Variants in NTN4 observed in about 807,000 individuals in gnomAD.
NTN4 encodes the protein netrin 4.
In NTN4, 32 loss-of-function variants were observed where a neutral mutation model predicts 73.6. The observed-to-expected ratio is 0.44, with a 90% CI of 0.33 to 0.58. The LOEUF (loss-of-function observed/expected upper bound fraction) is 0.58, where lower values mean the gene tolerates loss of function less well. Among genes scored for constraint, NTN4 ranks in the 20% least tolerant of loss-of-function variants. The pLI, the probability that NTN4 is intolerant of heterozygous loss-of-function variation, is 0.04. For synonymous variants in NTN4, 258 were observed against 287.5 expected (o/e 0.90, Z 1.04); for missense variants, 654 against 798.3 (o/e 0.82, Z 2.18).
intron 2 of NTN4, among the ~76,000 whole-genome samples, chr12:95,783,862 T>C (rs568499458): frequency 6.6e-5 from 10 of 152,348 alleles, no homozygotes; most frequent in Non-Finnish European, 1.5e-4. Context: ...TTTGGGCCCA[T>C]GTTTTTGAAG....
At chr12:95,696,753 C>G (rs541229321) in intron 5 of NTN4, among the ~76,000 whole-genome samples, 7 of 152,242 alleles carry the variant, frequency 4.6e-5, no homozygotes, top group Middle Eastern at 3.4e-3. Flanking sequence ...GAAAACCACC[C>G]CAACAAATCT....
intron 4 of NTN4, among the ~76,000 whole-genome samples, chr12:95,711,754 C>T (rs969434740): frequency 3.3e-5 from 5 of 152,172 alleles, no homozygotes; most frequent in African/African-American, 9.6e-5. Flanking sequence ...GTGTTCTATA[C>T]GTATTTAGAT....
chr12:95,746,645 G>A (rs1442777166), intron 2 of NTN4, among the ~76,000 whole-genome samples: 4 of 152,138 alleles, frequency 2.6e-5, no homozygotes, highest in Non-Finnish European at 5.9e-5. Flanking sequence ...GCAAATCTCT[G>A]AAAGTCTCTT....
chr12:95,676,780 T>A (rs1458812852), intron 7 of NTN4, among the ~76,000 whole-genome samples: 3 of 151,872 alleles, frequency 2.0e-5, no homozygotes, highest in Non-Finnish European at 4.4e-5. Flanking sequence ...AACCAAAAGT[T>A]AATCTCTGAG....
intron 5 of NTN4, among the ~76,000 whole-genome samples, chr12:95,688,338 C>G (rs1330484121): frequency 6.6e-6 from 1 of 151,938 alleles, no homozygotes; most frequent in Non-Finnish European, 1.5e-5. Context: ...TGTTGAGGGA[C>G]AAATAGAAGT....
At chr12:95,659,948 C>T (rs951135653) in intron 9 of NTN4, among the ~76,000 whole-genome samples, 4 of 152,070 alleles carry the variant, frequency 2.6e-5, no homozygotes, top group Non-Finnish European at 4.4e-5. Context: ...TGCCCTAGAT[C>T]AGTACATCTT....
chr12:95,670,706 AGT>A (rs1157237317), intron 7 of NTN4, among the ~76,000 whole-genome samples: 1 of 152,230 alleles, frequency 6.6e-6, no homozygotes, highest in Non-Finnish European at 1.5e-5. Flanking sequence ...GAAGAAACCA[AGT>A]GTACAAAAAG....
chr12:95,728,556 C>T (rs912254989), intron 3 of NTN4, among the ~76,000 whole-genome samples: 12 of 152,148 alleles, frequency 7.9e-5, no homozygotes, highest in African/African-American at 2.9e-4. Flanking sequence ...GACAAATAGG[C>T]TACAGGATTT....
At chr12:95,773,750 T>A (rs575785947) in intron 2 of NTN4, among the ~76,000 whole-genome samples, 22 of 152,258 alleles carry the variant, frequency 1.4e-4, no homozygotes, top group Admixed American at 6.5e-4. Flanking sequence ...CCTTTGCACT[T>A]ATCACTATGT....
At chr12:95,669,159 G>A (rs892428483) in intron 8 of NTN4, among the ~76,000 whole-genome samples, 2 of 149,778 alleles carry the variant, frequency 1.3e-5, no homozygotes, top group African/African-American at 4.9e-5. Flanking sequence ...AGTGAGTCTA[G>A]ATTGTGCCAC....
chr12:95,678,715 A>C (rs1207049798), intron 7 of NTN4, among the ~76,000 whole-genome samples: 1 of 152,152 alleles, frequency 6.6e-6, no homozygotes, highest in Non-Finnish European at 1.5e-5. Flanking sequence ...AATCCAAGAT[A>C]ATCCATACAT....
intron 2 of NTN4, among the ~76,000 whole-genome samples, chr12:95,767,901 G>A (rs1250378367): frequency 3.9e-5 from 6 of 152,152 alleles, no homozygotes; most frequent in Non-Finnish European, 8.8e-5. Context: ...TCCTTGTTGA[G>A]AAATCACACC....
At chr12:95,670,353 T>G (rs565484794) in intron 7 of NTN4, 59 of 399,054 alleles carry the variant, frequency 1.5e-4, no homozygotes, top group African/African-American at 1.2e-3. Flanking sequence ...AAAGTATTCA[T>G]CCAAGAGAAA....
At chr12:95,784,181 G>A (rs1283730160) in intron 2 of NTN4, among the ~76,000 whole-genome samples, 2 of 152,134 alleles carry the variant, frequency 1.3e-5, no homozygotes, top group East Asian at 1.9e-4. Context: ...TTTCAAAGAT[G>A]GAAATTGGTG....
chr12:95,706,885 T>C (rs2078525293), intron 5 of NTN4, among the ~76,000 whole-genome samples: 1 of 152,168 alleles, frequency 6.6e-6, no homozygotes, highest in Non-Finnish European at 1.5e-5. Flanking sequence ...CTGGAGGGCT[T>C]GTGAAAACTC....
In NTN4 at chr12:95,790,533, C is replaced by G; in HGVS notation, c.-224G>C. 2.8e-6 allele frequency: 1 copy of G among 362,800 alleles called. No homozygotes were observed. The highest frequency in any genetic ancestry group is 7.3e-4 in the Middle Eastern group (1 of 1,362). The allele number at this position is 362,800 out of a possible 1,614,324, so 22.5% of individuals were successfully genotyped here. The stretch of plus-strand genomic sequence containing the variant: ...CCTCGCGCACCGGCCTGGCGGGTCC[C>G]GGGCACCTGGGGGGCGGCGGGAGCC... On this transcript the variant is annotated 5_prime_UTR_variant, in exon 1 of 10. Coordinates refer to ENST00000343702, the MANE Select transcript of NTN4 (RefSeq NM_021229.4). The surrounding 1 kb of genome is among the most constrained non-coding windows in gnomAD (Gnocchi z 6.5).
chr12:95,780,923 G>A (rs1014657456), intron 2 of NTN4, among the ~76,000 whole-genome samples: 6 of 152,220 alleles, frequency 3.9e-5, no homozygotes, highest in African/African-American at 1.4e-4. Flanking sequence ...TGATAGACTG[G>A]ATTAAGAAAA....
chr12:95,782,873 G>A (rs1486541875), intron 2 of NTN4, among the ~76,000 whole-genome samples: 1 of 152,128 alleles, frequency 6.6e-6, no homozygotes, highest in Non-Finnish European at 1.5e-5. Flanking sequence ...GGGCCACACT[G>A]GAACAGATGC....
At chr12:95,745,845 A>G (rs941511424) in intron 2 of NTN4, among the ~76,000 whole-genome samples, 1 of 144,090 alleles carries the variant, frequency 6.9e-6, no homozygotes, top group African/African-American at 3.0e-5. Context: ...ATGTGGGACC[A>G]ATGCATTTTC....
Sources: gnomAD v4.1 joint callset for allele counts (sites outside exome capture counted in the v4.1 genomes callset) on GRCh38, gnomAD v4.1.1 for gene constraint, Gnocchi (gnomAD v3.1) non-coding constraint, MANE v1.5 for transcripts, NCBI Gene and HGNC (gene_info 2026-07-23, HGNC 2026-07-21) for gene names.